Variants in DENND2A observed in about 807,000 individuals in gnomAD.
DENND2A encodes the protein DENN domain-containing protein 2A.
Under a neutral mutation model 105.3 loss-of-function variants are expected in DENND2A, and 53 were observed. The observed-to-expected ratio is 0.50, with a 90% CI of 0.40 to 0.63. The LOEUF is 0.63. DENND2A is among the 30% of genes least tolerant of loss of function. The pLI is 0.00. For missense variants in DENND2A, 1,138 were observed against 1,279.6 expected, an observed-to-expected ratio of 0.89 and a Z score of 1.69; for synonymous variants, 522 against 508.4, an observed-to-expected ratio of 1.03 and a Z score of -0.36.
chr7:140,571,574 A>T (rs1798098827), intron 6 of DENND2A, among the ~76,000 whole-genome samples: 1 of 152,016 alleles, frequency 6.6e-6, no homozygotes. Flanking sequence ...AAATGTCCTC[A>T]TCGGGAAAAT....
chr7:140,611,929 T>G (rs1799912936), intron 1 of DENND2A, among the ~76,000 whole-genome samples: 1 of 152,158 alleles, frequency 6.6e-6, no homozygotes, highest in Admixed American at 6.6e-5. Flanking sequence ...CACAAGCCAC[T>G]GAACTGTACA....
chr7:140,551,099 G>A (rs189689654), intron 12 of DENND2A, among the ~76,000 whole-genome samples: 1 of 151,128 alleles, frequency 6.6e-6, no homozygotes, highest in South Asian at 2.1e-4. Flanking sequence ...TCAAGAGTTC[G>A]AGACCAGCCT....
rs528006062 is a variant in DENND2A, at chr7:140,627,924, TG to T, written c.-248+12579del. Among the ~76,000 whole-genome samples the T allele has an allele frequency of 7.9e-5, 12 of 152,108 alleles. No individual in the cohort carries two copies. In the South Asian group the frequency reaches 2.5e-3, roughly 32 times the overall value. Reference sequence around the variant, plus strand: ...TTCCTGCCTTGGCCTCCTGAGTAGCTGGAACTACAGGCGTGTACCACCATGC... The same window carrying T: ...TTCCTGCCTTGGCCTCCTGAGTAGCTGAACTACAGGCGTGTACCACCATGC... On this transcript the variant is annotated intron_variant, in intron 1 of 19. Coordinates refer to ENST00000496613, the MANE Select transcript of DENND2A (RefSeq NM_015689.5).
chr7:140,519,118 G>A (rs182902935), intron 19 of DENND2A, among the ~76,000 whole-genome samples: 123 of 152,314 alleles, frequency 8.1e-4, no homozygotes, highest in Non-Finnish European at 1.3e-3. Flanking sequence ...CACAGATATG[G>A]CGCCCTTCAC....
At chr7:140,609,218 A>C (rs1202027822) in intron 1 of DENND2A, among the ~76,000 whole-genome samples, 1 of 152,160 alleles carries the variant, frequency 6.6e-6, no homozygotes, top group Non-Finnish European at 1.5e-5. Flanking sequence ...ATTACTAATA[A>C]TTTTAATTAA....
At chr7:140,628,536 CTTTTTTTTTTTT>C (rs987018660) in intron 1 of DENND2A, among the ~76,000 whole-genome samples, 6 of 116,138 alleles carry the variant, frequency 5.2e-5, no homozygotes, top group Middle Eastern at 4.4e-3. Context: ...AAATTTCTTT[CTTTTTTTTTTTT>C]TTTTTTTTTG....
intron 1 of DENND2A, among the ~76,000 whole-genome samples, chr7:140,636,728 G>T (rs993101031): frequency 7.8e-6 from 1 of 128,960 alleles, no homozygotes; most frequent in East Asian, 2.5e-4. Context: ...CCTCACTGTC[G>T]CCTAAGCTGG....
chr7:140,604,746 G>T (rs1435844249), intron 2 of DENND2A, among the ~76,000 whole-genome samples: 3 of 152,204 alleles, frequency 2.0e-5, no homozygotes, highest in African/African-American at 7.2e-5. Context: ...GGAAATGAGG[G>T]ACTTGAGACT....
At chr7:140,598,793 A>G (rs1210918555) in intron 3 of DENND2A, among the ~76,000 whole-genome samples, 1 of 152,200 alleles carries the variant, frequency 6.6e-6, no homozygotes, top group Non-Finnish European at 1.5e-5. Flanking sequence ...TATTTTATGT[A>G]TGTGAAATTT....
At chr7:140,574,966 G>T (rs1798242921) in intron 5 of DENND2A, among the ~76,000 whole-genome samples, 1 of 152,114 alleles carries the variant, frequency 6.6e-6, no homozygotes, top group African/African-American at 2.4e-5. Context: ...GTTGCAGTGA[G>T]CTGAGATCAC....
At chr7:140,565,697 T>A (rs1797808371) in intron 9 of DENND2A, among the ~76,000 whole-genome samples, 1 of 152,144 alleles carries the variant, frequency 6.6e-6, no homozygotes, top group South Asian at 2.1e-4. Flanking sequence ...GAGTCCATCC[T>A]GAGTAGGGGC....
rs34963245 is a variant in DENND2A at position 140,548,296 on chromosome 7, T to TAA, written c.2038-1359_2038-1358dup. Among the ~76,000 whole-genome samples, 150 of 136,822 alleles carry TAA rather than the reference T, an allele frequency of 1.1e-3. No homozygotes were observed. In the Middle Eastern group the frequency reaches 0.011, roughly 10 times the overall value. The allele number at this position is 136,822 out of a possible 152,430, so 89.8% of individuals were successfully genotyped here. A position where few individuals can be genotyped will look rare whatever the true frequency, so the allele number is the denominator to read the frequency against. ...CTTAATAAAGCTACTACTAAAAAAC[T>TAA]AAAAAAAAAAAAAAAAATTCCAAAC... On this transcript the variant is annotated intron_variant, in intron 12 of 19. Transcript: ENST00000496613.
In DENND2A at chr7:140,567,163, A is replaced by T. The variant is rs1182586633; in HGVS notation, c.1702T>A (p.Phe568Ile). ...EYQERQLFEY[F>I]VVVSLHKKQA... ...TTCTTGTGCAAAGACACAACCACAAAGTACTCGAAGAGCTGCCTCTCCTGG... is the reference window on the plus strand; with the variant it reads ...TTCTTGTGCAAAGACACAACCACAATGTACTCGAAGAGCTGCCTCTCCTGG... Residue 568 changes from phenylalanine (F) to isoleucine (I), a missense_variant, in exon 9 of 20, where the codon TTT becomes ATT. Phe to Ile is a conservative substitution (Grantham distance 21, BLOSUM62 0). Coordinates refer to ENST00000496613, the MANE Select transcript of DENND2A (RefSeq NM_015689.5). 6 of 1,613,540 alleles carry T rather than the reference A, an allele frequency of 3.7e-6. No homozygotes were observed. In the South Asian group the frequency reaches 6.6e-5, roughly 18 times the overall value.
At chr7:140,612,973 G>A (rs1242431629) in intron 1 of DENND2A, among the ~76,000 whole-genome samples, 1 of 151,868 alleles carries the variant, frequency 6.6e-6, no homozygotes, top group African/African-American at 2.4e-5. Flanking sequence ...AATTAGCCAG[G>A]CATGGTGGTG....
At chr7:140,545,856 C>T (rs1796877196) in intron 13 of DENND2A, among the ~76,000 whole-genome samples, 1 of 152,180 alleles carries the variant, frequency 6.6e-6, no homozygotes, top group South Asian at 2.1e-4. Flanking sequence ...CAGTAACCTC[C>T]CTGCTACATC....
chr7:140,587,659 T>C lies in DENND2A; in HGVS notation c.1117A>G (p.Ile373Val). 1.9e-6 allele frequency: 3 copies of C among 1,613,920 alleles called. No individual in the cohort carries two copies. Among genetic ancestry groups the C allele is most frequent in the Non-Finnish European group, 1.7e-6 (2 of 1,179,960 alleles). Residue 373 changes from isoleucine to valine, a missense_variant, in exon 4 of 20, where the codon ATT (isoleucine) becomes GTT (valine). Transcript: ENST00000496613. ...AGACGCTGTGGCTTCTTACCTAGAA[T>C]GTCTTCATAGACGTTCTCCTCCGAT... ...TLSEENVYED[I>V]LDPPMKENPY... is the part of the protein sequence containing the mutation.
intron 12 of DENND2A, among the ~76,000 whole-genome samples, chr7:140,548,137 G>A (rs80338199): frequency 0.024 from 3,686 of 152,016 alleles, 62 homozygotes; most frequent in South Asian, 0.044. Context: ...GGTCGCCCAG[G>A]CTTGCCTTCA....
chr7:140,567,340 G>GAGAGAGAC (rs1445904935), intron 8 of DENND2A, 67 bp from the exon 9 acceptor site: 45 of 1,279,892 alleles, frequency 3.5e-5, no homozygotes, highest in Non-Finnish European at 1.8e-5. Flanking sequence ...GAGAGAGAGA[G>GAGAGAGAC]AGAGACAGAG....
intron 2 of DENND2A, among the ~76,000 whole-genome samples, 187 bp downstream of exon 2, chr7:140,605,516 ACT>A (rs201579962): frequency 1.4e-5 from 2 of 144,640 alleles, no homozygotes; most frequent in African/African-American, 5.8e-5. Flanking sequence ...CATTAGTCAG[ACT>A]CTCTCGATCA....
Sources: gnomAD v4.1 joint callset for allele counts (sites outside exome capture counted in the v4.1 genomes callset) on GRCh38, gnomAD v4.1.1 for gene constraint, MANE v1.5 for transcripts, NCBI Gene and HGNC (gene_info 2026-07-23, HGNC 2026-07-21) for gene names.